Variants in DNAH1 observed in about 807,000 individuals in gnomAD.
The protein encoded by DNAH1 is dynein axonemal heavy chain 1.
DNAH1 carries 327 observed loss-of-function variants against 484.3 expected under a neutral mutation model. The ratio of observed to expected loss-of-function variants is 0.68; its 90% CI spans 0.62 to 0.74. The LOEUF is 0.74. DNAH1 is among the 30% of genes least tolerant of loss of function. The pLI, the probability that DNAH1 is intolerant of heterozygous loss-of-function variation, is 0.00. For synonymous variants in DNAH1, 2,192 were observed against 2,191.9 expected, an observed-to-expected ratio of 1.00 and a Z score of 0.00; for missense variants, 5,052 against 5,546.8, an observed-to-expected ratio of 0.91 and a Z score of 2.83.
upstream of DNAH1, among the ~76,000 whole-genome samples, chr3:52,311,893 A>G (rs1051879589): frequency 1.3e-5 from 2 of 152,168 alleles, no homozygotes; most frequent in Non-Finnish European, 2.9e-5. Flanking sequence ...CGGGCATACA[A>G]TGGCAACCTC....
chr3:52,314,936 G>A (rs1011067774), upstream of DNAH1, among the ~76,000 whole-genome samples: 7 of 152,198 alleles, frequency 4.6e-5, no homozygotes, highest in African/African-American at 1.2e-4. Flanking sequence ...CACCAGCCCC[G>A]GAGAAACTCT....
In DNAH1 at chr3:52,364,951, C is replaced by T. The variant is rs946458299; in HGVS notation, c.5450C>T (p.Thr1817Met). 3.1e-6 allele frequency: 5 copies of T among 1,613,946 alleles called. No homozygotes were observed. Among genetic ancestry groups the T allele is most frequent in the Non-Finnish European group, 3.4e-6 (4 of 1,179,860 alleles). ...TTTCCCACCATCAAGGAGGAGGACA[C>T]GGACTACGGCATCCTGGATGAGGCC... is the stretch of plus-strand genomic sequence containing the variant. ...DLFPTIKEED[T>M]DYGILDEAIR... Residue 1817 changes from threonine to methionine, a missense_variant, in exon 34 of 78, where the codon ACG becomes ATG. Physicochemically the swap from Thr to Met is moderately conservative, Grantham distance 81. Transcript: ENST00000420323. This position sits in a 1 kb window ranked among gnomAD's most constrained non-coding sequence, Gnocchi z 4.2.
intron 13 of DNAH1, 50 bp downstream of exon 13, chr3:52,349,131 T>A (rs1039099527): frequency 6.2e-7 from 1 of 1,612,444 alleles, no homozygotes; most frequent in East Asian, 2.2e-5. Flanking sequence ...TGTTTGTGCA[T>A]GTGTATCCCC....
At chr3:52,330,686 G>T (rs900682336) in intron 6 of DNAH1, among the ~76,000 whole-genome samples, 2 of 150,618 alleles carry the variant, frequency 1.3e-5, no homozygotes, top group African/African-American at 4.8e-5. Flanking sequence ...CTGCCCTGCC[G>T]TGCCCTGTTC....
rs756070114 is a variant in DNAH1, at chr3:52,332,291, G to A, written c.1183G>A (p.Val395Met). 5 of 1,613,960 alleles carry A rather than the reference G, an allele frequency of 3.1e-6. No individual in the cohort carries two copies. Among genetic ancestry groups the A allele is most frequent in the Non-Finnish European group, 4.2e-6 (5 of 1,179,918 alleles). The change falls in exon 8 of 78, where the codon GTG (valine) becomes ATG (methionine). Residue 395 changes from valine to methionine, a missense_variant. By Grantham distance (21) the Val-to-Met change is conservative. Around this residue, in one of 4 missense-constraint regions of DNAH1, gnomAD observed 1,263 missense variants for 1,218.8 expected, o/e 1.04. Coordinates refer to ENST00000420323, the MANE Select transcript of DNAH1 (RefSeq NM_015512.5). The stretch of plus-strand genomic sequence containing the variant: ...AGCACTGCTGCTCTACAACTTGTAT[G>A]TGGACTGCATGCCCTCTGACGGCCA... ...TEALLLYNLY[V>M]DCMPSDGQHV...
At position 52,353,832 on chromosome 3, in the gene DNAH1, C is replaced by T. The variant is rs751884372; in HGVS notation, c.3480+199C>T. The T allele has an allele frequency of 4.1e-6, 3 of 732,626 alleles. No homozygotes were observed. Among genetic ancestry groups the T allele is most frequent in the Non-Finnish European group, 6.5e-6 (3 of 461,710 alleles). The allele number at this position is 732,626 out of a possible 1,614,324, so 45.4% of individuals were successfully genotyped here. On this transcript the variant is annotated intron_variant, in intron 20 of 77. Coordinates refer to ENST00000420323, the MANE Select transcript of DNAH1 (RefSeq NM_015512.5). The surrounding 1 kb of genome is among the most constrained non-coding windows in gnomAD (Gnocchi z 5.0). ...AAATTCTTGACAGTGTCCACCATTGCTATTATTTTTCAGTTACTCCTCTCA... is the reference window on the plus strand; with the variant it reads ...AAATTCTTGACAGTGTCCACCATTGTTATTATTTTTCAGTTACTCCTCTCA...
At chr3:52,398,252 G>A (rs1448533392) in intron 75 of DNAH1, 90 bp downstream of exon 75, 1 of 1,456,820 alleles carries the variant, frequency 6.9e-7, no homozygotes, top group Non-Finnish European at 9.1e-7. Flanking sequence ...CAGGTGCCAT[G>A]CCAAGTGCTA....
intron 8 of DNAH1, among the ~76,000 whole-genome samples, chr3:52,336,239 T>G (rs1456474657): frequency 1.3e-5 from 2 of 152,170 alleles, no homozygotes; most frequent in Non-Finnish European, 2.9e-5. Flanking sequence ...TTCTTATGGT[T>G]TGAGGTCTGA....
chr3:52,390,916 A>G lies in DNAH1; in HGVS notation c.9622-19A>G. ...TTGCAGGAAAGCTCTGACCCAGTCC[A>G]GTGCCTGGCTCTCCACAGATCGCTG... is the stretch of plus-strand genomic sequence containing the variant. On this transcript the variant is annotated intron_variant, in intron 60 of 77. Coordinates refer to ENST00000420323, the MANE Select transcript of DNAH1 (RefSeq NM_015512.5). 1 of 1,551,538 alleles carries G rather than the reference A, an allele frequency of 6.4e-7. No individual in the cohort carries two copies. The highest frequency in any genetic ancestry group is 8.7e-7 in the Non-Finnish European group (1 of 1,146,878).
chr3:52,353,071 A>G lies in DNAH1; in HGVS notation c.3028-32A>G. ...GAGAGAGACTGGGAAGTGTCCCAAG[A>G]CAGCCCCAGCCCTGCCCTCCTGTCC... On this transcript the variant is annotated intron_variant, in intron 18 of 77. Coordinates refer to ENST00000420323, the MANE Select transcript of DNAH1 (RefSeq NM_015512.5). The surrounding 1 kb of genome is among the most constrained non-coding windows in gnomAD (Gnocchi z 5.0). 2 of 1,589,118 alleles carry G rather than the reference A, an allele frequency of 1.3e-6. No homozygotes were observed. The highest frequency in any genetic ancestry group is 1.7e-6 in the Non-Finnish European group (2 of 1,166,024).
intron 77 of DNAH1, 65 bp from the exon 78 acceptor site, chr3:52,400,260 C>T: frequency 6.2e-7 from 1 of 1,600,214 alleles, no homozygotes; most frequent in Non-Finnish European, 8.5e-7. Flanking sequence ...TGCCCTGCCC[C>T]TACGCTATCC....
At chr3:52,349,893 C>A (rs903775399) in intron 14 of DNAH1, 96 bp from the exon 15 acceptor site, 4 of 1,481,472 alleles carry the variant, frequency 2.7e-6, no homozygotes, top group South Asian at 2.6e-5. Flanking sequence ...GGGACAGTTA[C>A]CTGTCGGGAG....
chr3:52,381,807 C>T lies in DNAH1; in HGVS notation c.7776C>T (p.Arg2592=). 6.2e-7 allele frequency: 1 copy of T among 1,601,304 alleles called. No individual in the cohort carries two copies. The highest frequency in any genetic ancestry group is 8.5e-7 in the Non-Finnish European group (1 of 1,174,840). Reference sequence around the variant, plus strand: ...TGCTGGGCGTGGGTGGCAGCGGCCGCAGCTCCCTCACAAGGCTCGCCTCGC... The same window carrying T: ...TGCTGGGCGTGGGTGGCAGCGGCCGTAGCTCCCTCACAAGGCTCGCCTCGC... The part of the protein sequence containing the change: ...ALLLGVGGSG[R]SSLTRLASHM... Residue 2592 remains arginine (R), a synonymous_variant, in exon 49 of 78, where the codon CGC becomes CGT. Transcript: ENST00000420323. This position sits in a 1 kb window ranked among gnomAD's most constrained non-coding sequence, Gnocchi z 4.1.
upstream of DNAH1, among the ~76,000 whole-genome samples, chr3:52,313,501 T>C (rs1700859001): frequency 1.3e-5 from 2 of 152,212 alleles, no homozygotes; most frequent in South Asian, 4.1e-4. Flanking sequence ...GCCATGACTT[T>C]GGGTGAGGCC....
At chr3:52,319,879 C>A (rs1457028500) in intron 1 of DNAH1, among the ~76,000 whole-genome samples, 1 of 152,302 alleles carries the variant, frequency 6.6e-6, no homozygotes, top group South Asian at 2.1e-4. Context: ...GGACACACCT[C>A]GGTGCATCCC....
At position 52,322,585 on chromosome 3, in the gene DNAH1, G is replaced by A; in HGVS notation, c.143G>A (p.Gly48Glu). 1.2e-6 allele frequency: 2 copies of A among 1,613,846 alleles called. No homozygotes were observed. Among genetic ancestry groups the A allele is most frequent in the Non-Finnish European group, 1.7e-6 (2 of 1,179,852 alleles). The change falls in exon 2 of 78, where the codon GGG becomes GAG. Residue 48 changes from glycine to glutamate, a missense_variant. Coordinates refer to ENST00000420323, the MANE Select transcript of DNAH1 (RefSeq NM_015512.5). ...PGKILPGSDY[G>E]LGNPPALDPK... The stretch of plus-strand genomic sequence containing the variant: ...AAGATTCTTCCAGGATCAGACTATG[G>A]GTTGGGAAATCCTCCAGCCCTTGAC...
chr3:52,364,558 C>G lies in DNAH1; in HGVS notation c.5245-80C>G. 6.5e-7 allele frequency: 1 copy of G among 1,530,364 alleles called. No homozygotes were observed. Among genetic ancestry groups the G allele is most frequent in the Non-Finnish European group, 9.0e-7 (1 of 1,105,368 alleles). 94.8% of individuals were successfully genotyped at this position (1,530,364 alleles called of 1,614,324 possible). On this transcript the variant is annotated intron_variant, in intron 32 of 77. Coordinates refer to ENST00000420323, the MANE Select transcript of DNAH1 (RefSeq NM_015512.5). The surrounding 1 kb of genome is among the most constrained non-coding windows in gnomAD (Gnocchi z 4.2). ...CTGGTGATGAGACTTGGCCAACTGC[C>G]AGGTGGGAGGCAGAGTGTTCCAGGC...
At chr3:52,326,392 A>C (rs1171047694) in intron 4 of DNAH1, 78 bp downstream of exon 4, 3 of 1,485,322 alleles carry the variant, frequency 2.0e-6, no homozygotes, top group East Asian at 2.3e-5. Context: ...ACTGCAGATC[A>C]CCAGGTGATA....
At chr3:52,377,175 C>T (rs1030839975) in intron 46 of DNAH1, among the ~76,000 whole-genome samples, 2 of 152,118 alleles carry the variant, frequency 1.3e-5, no homozygotes, top group Admixed American at 1.3e-4. Flanking sequence ...TATCTCAGGC[C>T]AAACCTGTCC....
Sources: gnomAD v4.1 joint callset for allele counts (sites outside exome capture counted in the v4.1 genomes callset) on GRCh38, gnomAD v4.1.1 for gene constraint, gnomAD v4.1.1 regional missense constraint, Gnocchi (gnomAD v3.1) non-coding constraint, MANE v1.5 for transcripts, NCBI Gene and HGNC (gene_info 2026-07-23, HGNC 2026-07-21) for gene names.